The following KIAA1549L variants were observed in gnomAD, a reference collection of about 807,000 sequenced individuals.
KIAA1549L encodes the protein KIAA1549 like.
A neutral mutation model predicts 160.7 loss-of-function variants in KIAA1549L; 88 were observed. The observed-to-expected ratio is 0.55, with a 90% confidence interval of 0.46 to 0.65. The LOEUF (loss-of-function observed/expected upper bound fraction) is 0.65. KIAA1549L is among the 30% of genes least tolerant of loss of function. The pLI, the probability that KIAA1549L is intolerant of heterozygous loss-of-function variation, is 0.00. For missense variants in KIAA1549L, 2,258 were observed against 2,437.5 expected (o/e 0.93, Z 1.55); for synonymous variants, 950 against 976.7 (o/e 0.97, Z 0.51).
At chr11:33,658,450 GAAATT>G (rs1852144557) in intron 18 of KIAA1549L, among the ~76,000 whole-genome samples, 1 of 152,150 alleles carries the variant, frequency 6.6e-6, no homozygotes, top group African/African-American at 2.4e-5. Context: ...ATTTTATGTG[GAAATT>G]AAATGTTCTA....
Position 33,606,738 on chromosome 11 carries a change from C to T in KIAA1549L, c.4977C>T (p.Leu1659=). The T allele has an allele frequency of 1.2e-6, 2 of 1,613,880 alleles. No individual in the cohort carries two copies. Among genetic ancestry groups the T allele is most frequent in the African/African-American group, 1.3e-5 (1 of 75,036 alleles). ...PFDTSSGSVQ[L]IAIKPTALPM... ...ACACATCTTCTGGGTCTGTGCAGCT[C>T]ATTGCCATAAAACCCACAGCCCTCC... The change falls in exon 14 of 21, where the codon CTC becomes CTT. Residue 1659 remains leucine, a synonymous_variant. Transcript: ENST00000658780.
rs973251608 is a variant in KIAA1549L at position 33,434,086 on chromosome 11, C to CA, written c.238+57207dup. Among the ~76,000 whole-genome samples, 156 of 135,902 alleles carry CA rather than the reference C, an allele frequency of 1.1e-3. 1 individual carries two copies. The highest frequency in any genetic ancestry group is 7.4e-3 in the Middle Eastern group (2 of 270). The allele number at this position is 135,902 out of a possible 152,430, so 89.2% of individuals were successfully genotyped here. ...GAAGAAATAAAGCCCCCCCCGCCACCAAAAAAAAAAGAATATGGTATTCTT... is the reference window on the plus strand; with the variant it reads ...GAAGAAATAAAGCCCCCCCCGCCACCAAAAAAAAAAAGAATATGGTATTCTT... On this transcript the variant is annotated intron_variant, in intron 1 of 20. Coordinates refer to ENST00000658780, the MANE Select transcript of KIAA1549L (RefSeq NM_012194.3).
At chr11:33,585,183 A>G (rs1019076634) in intron 11 of KIAA1549L, among the ~76,000 whole-genome samples, 1 of 152,212 alleles carries the variant, frequency 6.6e-6, no homozygotes, top group Non-Finnish European at 1.5e-5. Context: ...ATAAGTGTAC[A>G]TTGGGAATTG....
intron 1 of KIAA1549L, among the ~76,000 whole-genome samples, chr11:33,435,788 AT>A (rs1196252043): frequency 2.3e-4 from 6 of 26,516 alleles, no homozygotes; most frequent in African/African-American, 7.9e-4. Flanking sequence ...ATATATATAT[AT>A]ATATATATAT....
At chr11:33,597,936 C>T (rs1850160238) in intron 12 of KIAA1549L, among the ~76,000 whole-genome samples, 1 of 152,164 alleles carries the variant, frequency 6.6e-6, no homozygotes, top group Non-Finnish European at 1.5e-5. Flanking sequence ...AGGGTGGCAG[C>T]CACCAAATCA....
At chr11:33,553,717 A>G (rs573726273) in intron 6 of KIAA1549L, among the ~76,000 whole-genome samples, 13 of 152,220 alleles carry the variant, frequency 8.5e-5, no homozygotes, top group Non-Finnish European at 1.9e-4. Flanking sequence ...TCACAGGTGC[A>G]TGAGCCTAGT....
chr11:33,672,636 T>A lies in KIAA1549L; in HGVS notation c.*4482T>A, dbSNP rs986890203. ...AGCCAGCACTCGGAGAGCAGTCCCCTGGATACTACCACACAGAGAAAAGGG... is the reference window on the plus strand; with the variant it reads ...AGCCAGCACTCGGAGAGCAGTCCCCAGGATACTACCACACAGAGAAAAGGG... On this transcript the variant is annotated 3_prime_UTR_variant, in exon 21 of 21. Coordinates refer to ENST00000658780, the MANE Select transcript of KIAA1549L (RefSeq NM_012194.3). 2.6e-5 allele frequency: 4 copies of A among 154,004 alleles called. No individual in the cohort carries two copies. The highest frequency in any genetic ancestry group is 9.6e-5 in the African/African-American group (4 of 41,454). 9.5% of individuals were successfully genotyped at this position (154,004 alleles called of 1,614,324 possible).
chr11:33,574,760 C>T lies in KIAA1549L; in HGVS notation c.4289C>T (p.Thr1430Ile), dbSNP rs1338005177. Residue 1430 changes from threonine (T) to isoleucine (I), a missense_variant, in exon 10 of 21, where the codon ACC becomes ATC. Transcript: ENST00000658780. ...PKDPAELTYY[T>I]LYNGKPLLGT... ...GACCCAGCGGAGCTGACTTACTATA[C>T]CCTGTACAACGGGAAGCCTTTGTTG... is the stretch of plus-strand genomic sequence containing the variant. 1 of 1,613,990 alleles carries T rather than the reference C, an allele frequency of 6.2e-7. No individual in the cohort carries two copies. Among genetic ancestry groups the T allele is most frequent in the Non-Finnish European group, 8.5e-7 (1 of 1,179,852 alleles).
chr11:33,391,077 G>T (rs1259726223), intron 1 of KIAA1549L, among the ~76,000 whole-genome samples: 1 of 152,186 alleles, frequency 6.6e-6, no homozygotes, highest in Non-Finnish European at 1.5e-5. Context: ...AGAGAGGATG[G>T]GAGTCAGATT....
intron 16 of KIAA1549L, among the ~76,000 whole-genome samples, chr11:33,627,381 T>C (rs1851146587): frequency 6.6e-6 from 1 of 151,088 alleles, no homozygotes; most frequent in South Asian, 2.1e-4. Context: ...TGAATCCATC[T>C]GGTCCTGGAA....
intron 1 of KIAA1549L, among the ~76,000 whole-genome samples, chr11:33,476,056 C>G (rs996411986): frequency 1.3e-5 from 2 of 152,158 alleles, no homozygotes; most frequent in African/African-American, 4.8e-5. Flanking sequence ...CCTGGAAACT[C>G]CACACAACTG....
intron 1 of KIAA1549L, among the ~76,000 whole-genome samples, chr11:33,466,028 A>G (rs961082875): frequency 3.3e-5 from 5 of 152,260 alleles, no homozygotes; most frequent in Non-Finnish European, 5.9e-5. Context: ...ATTATAGAAC[A>G]AAACAGACTG....
rs541399206 is a variant in KIAA1549L, at chr11:33,448,660, G to A, written c.238+71771G>A. On this transcript the variant is annotated intron_variant, in intron 1 of 20. Coordinates refer to ENST00000658780, the MANE Select transcript of KIAA1549L (RefSeq NM_012194.3). ...TATTCCCAGTGTTCTTCCTCAGTGC[G>A]GGAACGCTGGCATGCCAGAAAGTGC... Among the ~76,000 whole-genome samples the A allele has an allele frequency of 6.8e-4, 104 of 152,260 alleles. 1 individual carries two copies. The highest frequency in any genetic ancestry group is 2.2e-3 in the African/African-American group (93 of 41,548).
chr11:33,436,835 A>G (rs1016406719), intron 1 of KIAA1549L, among the ~76,000 whole-genome samples: 1 of 152,198 alleles, frequency 6.6e-6, no homozygotes, highest in Non-Finnish European at 1.5e-5. Context: ...AAAGGGGAGA[A>G]GTGAAGGAGT....
In KIAA1549L at chr11:33,396,437, A is replaced by G. The variant is rs113995216; in HGVS notation, c.238+19548A>G. Among the ~76,000 whole-genome samples the G allele has an allele frequency of 2.1e-3, 314 of 152,348 alleles. 2 individuals are homozygous for G. The highest frequency in any genetic ancestry group is 7.3e-3 in the African/African-American group (302 of 41,580). Reference sequence around the variant, plus strand: ...GAAGTATTGTGAGAGGAAGAGATTAATGTGGATTTTGCTGGTAGAATTTCT... The same window carrying G: ...GAAGTATTGTGAGAGGAAGAGATTAGTGTGGATTTTGCTGGTAGAATTTCT... On this transcript the variant is annotated intron_variant, in intron 1 of 20. Transcript: ENST00000658780.
chr11:33,483,720 T>C (rs1852461204), intron 1 of KIAA1549L, among the ~76,000 whole-genome samples: 1 of 152,196 alleles, frequency 6.6e-6, no homozygotes, highest in Admixed American at 6.5e-5. Context: ...ATAAGTCTTA[T>C]GAGCTCTGAT....
At chr11:33,408,510 T>TATATATATACAC (rs58439063) in intron 1 of KIAA1549L, among the ~76,000 whole-genome samples, 3 of 146,110 alleles carry the variant, frequency 2.1e-5, no homozygotes, top group African/African-American at 7.7e-5. Flanking sequence ...TATATATATA[T>TATATATATACAC]ACACATGTAT....
chr11:33,610,594 A>G (rs577261824), intron 15 of KIAA1549L, among the ~76,000 whole-genome samples: 56 of 152,356 alleles, frequency 3.7e-4, no homozygotes, highest in African/African-American at 1.3e-3. Context: ...CTCTTATGGA[A>G]CTTAGGGTCT....
At chr11:33,651,953 T>G (rs1227106161) in intron 17 of KIAA1549L, among the ~76,000 whole-genome samples, 1 of 132,204 alleles carries the variant, frequency 7.6e-6, no homozygotes, top group East Asian at 2.5e-4. Flanking sequence ...GTTCCCTCCT[T>G]CCTTCCATGT....
Sources: gnomAD v4.1 joint callset for allele counts (sites outside exome capture counted in the v4.1 genomes callset) on GRCh38, gnomAD v4.1.1 for gene constraint, MANE v1.5 for transcripts, NCBI Gene and HGNC (gene_info 2026-07-23, HGNC 2026-07-21) for gene names.